The following COL26A1 variants were observed in gnomAD, a reference collection of about 807,000 sequenced individuals.
COL26A1 encodes the protein collagen type XXVI alpha 1 chain.
A neutral mutation model predicts 59.3 loss-of-function variants in COL26A1; 41 were observed. The ratio of observed to expected loss-of-function variants is 0.69; its 90% CI spans 0.54 to 0.90. The LOEUF (loss-of-function observed/expected upper bound fraction) is 0.90, where lower values mean the gene tolerates loss of function less well. Among genes scored for constraint, COL26A1 ranks in the 40% least tolerant of loss-of-function variants. The pLI is 0.00. For missense variants in COL26A1, 612 were observed against 602.3 expected (o/e 1.02, Z -0.17); for synonymous variants, 266 against 256.0 (o/e 1.04, Z -0.37).
intron 1 of COL26A1, among the ~76,000 whole-genome samples, chr7:101,383,429 C>T (rs150315904): frequency 0.11 from 17,455 of 151,804 alleles, 1,118 homozygotes; most frequent in Non-Finnish European, 0.15. Context: ...TACAATGGCA[C>T]GATCTCAGCT....
intron 3 of COL26A1, among the ~76,000 whole-genome samples, chr7:101,527,119 C>T (rs1253716971): frequency 2.0e-5 from 3 of 151,864 alleles, no homozygotes; most frequent in Non-Finnish European, 4.4e-5. Flanking sequence ...TACAGGCACA[C>T]GCCACCATAT....
intron 1 of COL26A1, among the ~76,000 whole-genome samples, chr7:101,371,054 C>T (rs779726863): frequency 5.9e-5 from 9 of 152,184 alleles, no homozygotes; most frequent in African/African-American, 1.7e-4. Context: ...CTTGGGCAAG[C>T]GTGCATGAGC....
At chr7:101,437,842 G>C (rs1344094733) in intron 2 of COL26A1, among the ~76,000 whole-genome samples, 1 of 151,354 alleles carries the variant, frequency 6.6e-6, no homozygotes, top group Non-Finnish European at 1.5e-5. Flanking sequence ...TCCCAAGTAC[G>C]TGGGGACTAC....
chr7:101,475,374 T>C (rs1324086384), intron 3 of COL26A1, among the ~76,000 whole-genome samples: 1 of 151,788 alleles, frequency 6.6e-6, no homozygotes, highest in Non-Finnish European at 1.5e-5. Flanking sequence ...AGAGAATTCT[T>C]TTATGACCCG....
Position 101,447,490 on chromosome 7 carries a change from A to G in COL26A1, c.282-194A>G, listed in dbSNP as rs150458881. ...GTTAGGTCTGATCTCTTTCGTTGTCATAACTTCCTCCGTTATGATTTTTGC... is the reference window on the plus strand; with the variant it reads ...GTTAGGTCTGATCTCTTTCGTTGTCGTAACTTCCTCCGTTATGATTTTTGC... On this transcript the variant is annotated intron_variant, in intron 2 of 12. Coordinates refer to ENST00000313669, the MANE Select transcript of COL26A1 (RefSeq NM_001278563.3). Among the ~76,000 whole-genome samples the G allele has an allele frequency of 2.7e-3, 407 of 152,374 alleles. 1 individual carries two copies. The highest frequency in any genetic ancestry group is 9.4e-3 in the African/African-American group (390 of 41,584).
At chr7:101,443,803 AT>A (rs77285192) in intron 2 of COL26A1, among the ~76,000 whole-genome samples, 46 of 146,188 alleles carry the variant, frequency 3.1e-4, no homozygotes, top group African/African-American at 5.8e-4. Context: ...TTTTGCAAGA[AT>A]TTTTTTTTTT....
At chr7:101,451,021 G>T (rs1793324002) in intron 3 of COL26A1, among the ~76,000 whole-genome samples, 1 of 141,328 alleles carries the variant, frequency 7.1e-6, no homozygotes, top group South Asian at 2.3e-4. Flanking sequence ...AATAATTGTT[G>T]ATATATATTA....
At chr7:101,535,212 G>A (rs1183891997) in intron 4 of COL26A1, among the ~76,000 whole-genome samples, 1 of 152,174 alleles carries the variant, frequency 6.6e-6, no homozygotes, top group Non-Finnish European at 1.5e-5. Context: ...GGGCTCCAGG[G>A]AGCAAATGTT....
intron 3 of COL26A1, among the ~76,000 whole-genome samples, chr7:101,474,487 G>C (rs1385163466): frequency 2.6e-5 from 4 of 152,114 alleles, no homozygotes; most frequent in Non-Finnish European, 4.4e-5. Flanking sequence ...AGCTACTCAG[G>C]GGGCTGAGGT....
chr7:101,372,440 G>T (rs944519890), intron 1 of COL26A1, among the ~76,000 whole-genome samples: 3 of 151,864 alleles, frequency 2.0e-5, no homozygotes, highest in Admixed American at 2.0e-4. Context: ...GGGATTATAG[G>T]TGTGAGCCAC....
intron 1 of COL26A1, among the ~76,000 whole-genome samples, chr7:101,393,351 A>T (rs546126375): frequency 2.3e-4 from 35 of 152,284 alleles, no homozygotes; most frequent in African/African-American, 8.2e-4. Flanking sequence ...CTGAGTCCCA[A>T]AGCTGAAGAA....
intron 3 of COL26A1, among the ~76,000 whole-genome samples, chr7:101,476,286 C>T (rs927996272): frequency 2.0e-5 from 3 of 152,076 alleles, no homozygotes; most frequent in Admixed American, 1.3e-4. Flanking sequence ...GTGTGAGCCA[C>T]AGTGCCTGGC....
At chr7:101,382,711 G>C (rs374203078) in intron 1 of COL26A1, among the ~76,000 whole-genome samples, 27 of 152,000 alleles carry the variant, frequency 1.8e-4, no homozygotes, top group African/African-American at 5.8e-4. Context: ...AATGCTGTTG[G>C]GATTTTGATC....
chr7:101,454,433 A>G (rs1242421506), intron 3 of COL26A1, among the ~76,000 whole-genome samples: 1 of 151,418 alleles, frequency 6.6e-6, no homozygotes, highest in Non-Finnish European at 1.5e-5. Context: ...TAATTTTTGT[A>G]TTTTTAGTAG....
chr7:101,392,198 G>A (rs1269038074), intron 1 of COL26A1, among the ~76,000 whole-genome samples: 1 of 152,040 alleles, frequency 6.6e-6, no homozygotes, highest in Non-Finnish European at 1.5e-5. Flanking sequence ...GAGGGTGGCG[G>A]GTGCACAGGC....
chr7:101,449,189 G>A (rs1280848611), intron 3 of COL26A1, among the ~76,000 whole-genome samples: 7 of 152,206 alleles, frequency 4.6e-5, no homozygotes, highest in Non-Finnish European at 7.3e-5. Context: ...AAGGGGTGAG[G>A]GGATGCCAGG....
chr7:101,491,960 G>C (rs949624581), intron 3 of COL26A1, among the ~76,000 whole-genome samples: 1 of 152,112 alleles, frequency 6.6e-6, no homozygotes, highest in Non-Finnish European at 1.5e-5. Flanking sequence ...CTGGCATTTG[G>C]GATGCATGTC....
chr7:101,413,538 A>G (rs1792293894), intron 1 of COL26A1, among the ~76,000 whole-genome samples: 1 of 151,888 alleles, frequency 6.6e-6, no homozygotes, highest in Admixed American at 6.6e-5. Flanking sequence ...AAAGGAAATG[A>G]AAGGAAAGGA....
Position 101,474,040 on chromosome 7 carries a change from A to G in COL26A1, c.385+26253A>G, listed in dbSNP as rs79053578. ...GGTGGGCACCCATGAAACAGGTCCA[A>G]TGCCAGCCTGTGAAAAGCATGTACG... On this transcript the variant is annotated intron_variant, in intron 3 of 12. Coordinates refer to ENST00000313669, the MANE Select transcript of COL26A1 (RefSeq NM_001278563.3). 6.4e-3 allele frequency among the ~76,000 whole-genome samples: 977 copies of G among 152,260 alleles called. 1 individual carries two copies. The highest frequency in any genetic ancestry group is 0.011 in the Non-Finnish European group (736 of 68,016).
Sources: allele counts gnomAD v4.1 joint callset (sites outside exome capture counted in the v4.1 genomes callset), GRCh38; gene constraint gnomAD v4.1.1; transcripts MANE v1.5; gene names NCBI Gene and HGNC (gene_info 2026-07-23, HGNC 2026-07-21).